PAPPA2: variants seen among roughly 807,000 people sequenced by gnomAD.
PAPPA2 encodes pappalysin 2, also known as pappalysin-2.
In PAPPA2, 86 loss-of-function variants were observed where a neutral mutation model predicts 176.4. That is an observed-to-expected ratio of 0.49 (90% CI 0.41 to 0.58). PAPPA2 has a LOEUF of 0.58. Ranked by LOEUF, PAPPA2 falls within the 20% of genes least tolerant of loss-of-function variation. The pLI is 0.00. For missense variants in PAPPA2, 2,073 were observed against 2,256.9 expected (o/e 0.92, Z 1.65); for synonymous variants, 809 against 852.2 (o/e 0.95, Z 0.88).
intron 3 of PAPPA2, among the ~76,000 whole-genome samples, chr1:176,642,795 G>C (rs1469584783): frequency 6.6e-6 from 1 of 151,908 alleles, no homozygotes; most frequent in African/African-American, 2.4e-5. Flanking sequence ...GGGTAAAAAA[G>C]AACAGAAAAT....
At chr1:176,571,252 C>T (rs1373795138) in intron 2 of PAPPA2, among the ~76,000 whole-genome samples, 1 of 152,168 alleles carries the variant, frequency 6.6e-6, no homozygotes, top group Non-Finnish European at 1.5e-5. Flanking sequence ...ATCCCCTCAC[C>T]TTAATTGTCC....
intron 14 of PAPPA2, 103 bp from the exon 15 acceptor site, chr1:176,765,563 T>A: frequency 9.0e-7 from 1 of 1,111,948 alleles, no homozygotes; most frequent in Non-Finnish European, 1.3e-6. Context: ...GAGAAAATTG[T>A]TCTCTCTGGT....
At chr1:176,488,776 T>C (rs1652763739) in intron 1 of PAPPA2, among the ~76,000 whole-genome samples, 1 of 152,074 alleles carries the variant, frequency 6.6e-6, no homozygotes, top group Non-Finnish European at 1.5e-5. Context: ...GGTTCCTCTC[T>C]CCCCCACTTC....
intron 1 of PAPPA2, among the ~76,000 whole-genome samples, chr1:176,498,154 T>C (rs1382630770): frequency 6.6e-6 from 1 of 152,188 alleles, no homozygotes. Context: ...TTTTTCTTTT[T>C]TTTCTTTTTC....
At chr1:176,522,948 C>A (rs1183905955) in intron 1 of PAPPA2, among the ~76,000 whole-genome samples, 1 of 152,134 alleles carries the variant, frequency 6.6e-6, no homozygotes, top group Non-Finnish European at 1.5e-5. Flanking sequence ...TCAAACACAG[C>A]AACTTCTTAG....
At chr1:176,727,122 A>G (rs1661916306) in intron 12 of PAPPA2, among the ~76,000 whole-genome samples, 1 of 152,220 alleles carries the variant, frequency 6.6e-6, no homozygotes, top group African/African-American at 2.4e-5. Flanking sequence ...GAATAATAAA[A>G]TAAATGGATT....
chr1:176,557,362 GC>G, intron 2 of PAPPA2, 121 bp downstream of exon 2: 2 of 1,164,864 alleles, frequency 1.7e-6, no homozygotes, highest in Non-Finnish European at 2.4e-6. Flanking sequence ...GAAAGGGCTA[GC>G]CAGGGAGAGG....
At position 176,599,668 on chromosome 1, in the gene PAPPA2, G is replaced by A. The variant is rs147709152; in HGVS notation, c.1991+4073G>A. On this transcript the variant is annotated intron_variant, in intron 3 of 22. Transcript: ENST00000367662. ...TAAGCATTTTCAAAGATAAAAATGT[G>A]ATTCATTTGGAATTGTTTTTTTGTG... Among the ~76,000 whole-genome samples the A allele has an allele frequency of 1.6e-3, 246 of 151,660 alleles. 1 individual carries two copies. Among genetic ancestry groups the A allele is most frequent in the African/African-American group, 5.7e-3 (238 of 41,468 alleles).
intron 17 of PAPPA2, among the ~76,000 whole-genome samples, chr1:176,775,056 C>T (rs970802871): frequency 1.1e-4 from 17 of 152,068 alleles, no homozygotes; most frequent in Admixed American, 1.3e-4. Context: ...TGATGTTGTC[C>T]AGGAAGCCTA....
At chr1:176,606,340 A>G (rs908552395) in intron 3 of PAPPA2, among the ~76,000 whole-genome samples, 1 of 152,224 alleles carries the variant, frequency 6.6e-6, no homozygotes, top group Non-Finnish European at 1.5e-5. Flanking sequence ...CTGATAGTGG[A>G]TAAAAACTAA....
At chr1:176,825,855 G>C (rs73050107) in intron 21 of PAPPA2, among the ~76,000 whole-genome samples, 1 of 152,102 alleles carries the variant, frequency 6.6e-6, no homozygotes, top group Non-Finnish European at 1.5e-5. Context: ...GCAGGGCTGC[G>C]CTCCACCCTC....
chr1:176,731,486 A>G (rs1662138483), intron 12 of PAPPA2, among the ~76,000 whole-genome samples: 2 of 151,282 alleles, frequency 1.3e-5, no homozygotes, highest in South Asian at 4.2e-4. Context: ...TTTTCTTTGT[A>G]TTTTCAGTAG....
intron 21 of PAPPA2, among the ~76,000 whole-genome samples, chr1:176,825,330 T>C (rs557856912): frequency 6.6e-6 from 1 of 152,250 alleles, no homozygotes; most frequent in Non-Finnish European, 1.5e-5. Flanking sequence ...AGGGGTGTTA[T>C]GCATGGTCTC....
chr1:176,675,013 A>G (rs992750087), intron 4 of PAPPA2, among the ~76,000 whole-genome samples: 1 of 151,832 alleles, frequency 6.6e-6, no homozygotes, highest in African/African-American at 2.4e-5. Context: ...TGGTTTTGAT[A>G]TGCATTCCAT....
intron 12 of PAPPA2, among the ~76,000 whole-genome samples, chr1:176,734,393 A>AACACACAC (rs34765229): frequency 9.5e-5 from 14 of 147,444 alleles, no homozygotes; most frequent in Middle Eastern, 6.8e-3. Context: ...ACCCTTCTGA[A>AACACACAC]ACACACACAC....
intron 3 of PAPPA2, among the ~76,000 whole-genome samples, chr1:176,602,575 G>C (rs1213315550): frequency 6.6e-6 from 1 of 152,152 alleles, no homozygotes; most frequent in Non-Finnish European, 1.5e-5. Flanking sequence ...CATCAGCCAG[G>C]CTTCATTATA....
At chr1:176,748,622 A>C (rs1220760771) in intron 14 of PAPPA2, among the ~76,000 whole-genome samples, 1 of 152,220 alleles carries the variant, frequency 6.6e-6, no homozygotes, top group African/African-American at 2.4e-5. Context: ...AATTACAGTC[A>C]TGTACCACAT....
intron 2 of PAPPA2, among the ~76,000 whole-genome samples, chr1:176,579,147 A>G (rs1652817143): frequency 6.6e-6 from 1 of 152,170 alleles, no homozygotes. Context: ...CTAGTAAAGA[A>G]AGGGTGAGCA....
intron 12 of PAPPA2, among the ~76,000 whole-genome samples, chr1:176,728,677 G>A (rs946357841): frequency 4.6e-5 from 7 of 151,788 alleles, no homozygotes; most frequent in Non-Finnish European, 1.0e-4. Flanking sequence ...TTTTGTGTGT[G>A]GAGATTCTGA....
Sources: gnomAD v4.1 joint callset for allele counts (sites outside exome capture counted in the v4.1 genomes callset) on GRCh38, gnomAD v4.1.1 for gene constraint, MANE v1.5 for transcripts, NCBI Gene and HGNC (gene_info 2026-07-23, HGNC 2026-07-21) for gene names.